Variants in PHF12 observed in about 807,000 individuals in gnomAD.
PHF12 encodes PHD finger protein 12, also known as PHD factor 1.
In PHF12, 6 loss-of-function variants were observed where a neutral mutation model predicts 99.8. The observed-to-expected ratio is 0.06, with a 90% CI of 0.03 to 0.12. The LOEUF is 0.12. Ranked by LOEUF, PHF12 falls within the 10% of genes least tolerant of loss-of-function variation. The probability of loss-of-function intolerance (pLI) is 1.00; values close to 1 mark genes in which losing one functional copy is unlikely to be tolerated. For synonymous variants in PHF12, 480 were observed against 514.9 expected, an observed-to-expected ratio of 0.93 and a Z score of 0.92; for missense variants, 954 against 1,300.1, an observed-to-expected ratio of 0.73 and a Z score of 4.09.
rs1300428255 is a variant in PHF12 at position 28,949,456 on chromosome 17, C to T, written c.248+609G>A. On this transcript the variant is annotated intron_variant, in intron 2 of 14. Transcript: ENST00000332830. This position sits in a 1 kb window ranked among gnomAD's most constrained non-coding sequence, Gnocchi z 4.6. ...GACTCTGGGGCTGTCCCCACCGTTC[C>T]CCCGAGAGACGTTTGCAAATCATAT... 6.6e-6 allele frequency among the ~76,000 whole-genome samples: 1 copy of T among 152,190 alleles called. No homozygotes were observed. Among genetic ancestry groups the T allele is most frequent in the Admixed American group, 6.5e-5 (1 of 15,278 alleles).
At position 28,951,188 on chromosome 17, in the gene PHF12, C is replaced by T. The variant is rs2040805404; in HGVS notation, c.-228G>A. On this transcript the variant is annotated 5_prime_UTR_variant, in exon 1 of 15. Transcript: ENST00000332830. ...GAGCGGCCCCTCAGTCCCGGCCCGG[C>T]TGCTGGCTGCACAGTGGGTCCCGGC... The T allele has an allele frequency of 5.0e-6, 7 of 1,409,408 alleles. No homozygotes were observed. In the East Asian group the frequency reaches 1.9e-4, roughly 37 times the overall value. 87.3% of individuals were successfully genotyped at this position (1,409,408 alleles called of 1,614,324 possible). A position where few individuals can be genotyped will look rare whatever the true frequency, so the allele number is the denominator to read the frequency against.
In PHF12 at chr17:28,913,108, G is replaced by A; in HGVS notation, c.1463C>T (p.Thr488Ile). Residue 488 changes from threonine to isoleucine, a missense_variant, in exon 9 of 15, where the codon ACA (threonine) becomes ATA (isoleucine). Physicochemically the swap from Thr to Ile is moderately conservative, Grantham distance 89 (BLOSUM62 -1). This residue lies in a region of PHF12 where 392 missense variants were observed against 423.1 expected (regional missense o/e 0.93). Transcript: ENST00000332830. ...GCAGGACAAGGGGTAGTGGGAAGGTGTAGGTGTCTTGTCAGCTGTTTGCAG... is the reference window on the plus strand; with the variant it reads ...GCAGGACAAGGGGTAGTGGGAAGGTATAGGTGTCTTGTCAGCTGTTTGCAG... Reference protein sequence around the residue: ...TSLQTADKTPTPSHYPLSCPS... With the variant: ...TSLQTADKTPIPSHYPLSCPS... The A allele has an allele frequency of 6.2e-7, 1 of 1,614,228 alleles. No individual in the cohort carries two copies. Among genetic ancestry groups the A allele is most frequent in the Non-Finnish European group, 8.5e-7 (1 of 1,180,032 alleles).
intron 2 of PHF12, among the ~76,000 whole-genome samples, chr17:28,940,113 C>T (rs1441887923): frequency 6.6e-6 from 1 of 152,180 alleles, no homozygotes; most frequent in African/African-American, 2.4e-5. Context: ...AAATTAAACA[C>T]CAAAGTCACT....
chr17:28,946,473 T>TA (rs1033166493), intron 2 of PHF12, among the ~76,000 whole-genome samples: 1 of 151,998 alleles, frequency 6.6e-6, no homozygotes, highest in Non-Finnish European at 1.5e-5. Flanking sequence ...ATTTCCTTAC[T>TA]ATTTATCTTA....
At chr17:28,925,046 A>C (rs1407363891) in intron 3 of PHF12, 2 of 152,232 alleles carry the variant, frequency 1.3e-5, no homozygotes, top group African/African-American at 4.8e-5. Flanking sequence ...AATAAGTGAC[A>C]CTTCTTAGAA....
intron 2 of PHF12, among the ~76,000 whole-genome samples, chr17:28,935,347 T>C (rs1567967570): frequency 1.3e-5 from 2 of 152,296 alleles, no homozygotes; most frequent in Non-Finnish European, 2.9e-5. Context: ...TCTCAGCTCA[T>C]TGTAGCCTCT....
intron 2 of PHF12, among the ~76,000 whole-genome samples, chr17:28,937,294 G>A (rs1336740723): frequency 3.9e-5 from 6 of 152,096 alleles, no homozygotes; most frequent in Non-Finnish European, 8.8e-5. Context: ...CCTGTCTTTT[G>A]CAGGAAGATA....
chr17:28,907,442 TCTC>T (rs2152654892), intron 13 of PHF12, 145 bp downstream of exon 13: 2 of 732,136 alleles, frequency 2.7e-6, no homozygotes, highest in Admixed American at 2.7e-5. Context: ...ACATCAAGAC[TCTC>T]CTCCTCCAGG....
chr17:28,912,572 T>A lies in PHF12; in HGVS notation c.1999A>T (p.Thr667Ser), dbSNP rs909558113. 5 of 1,614,032 alleles carry A rather than the reference T, an allele frequency of 3.1e-6. No homozygotes were observed. The African/African-American group carries it at 6.7e-5, about 22-fold the overall frequency. The change falls in exon 9 of 15, where the codon ACC (threonine) becomes TCC (serine). Residue 667 changes from threonine to serine, a missense_variant. Around this residue, in one of 8 missense-constraint regions of PHF12, gnomAD observed 392 missense variants for 423.1 expected, o/e 0.93. Coordinates refer to ENST00000332830, the MANE Select transcript of PHF12 (RefSeq NM_001033561.2). ...GCTTGCGGGGGAGTGAGCACCCGGG[T>A]GGCGTTTGGGGGTGAGCCCAGTGGC... ...SRPLGSPPNA[T>S]RVLTPPQAAG...
chr17:28,950,351 T>C lies in PHF12; in HGVS notation c.67-105A>G. On this transcript the variant is annotated intron_variant, in intron 1 of 14. Transcript: ENST00000332830. This position sits in a 1 kb window ranked among gnomAD's most constrained non-coding sequence, Gnocchi z 5.7. ...TCACCCACCCCTCTCCCCCCTTTTG[T>C]CCTTCTTCCTCCCATCCAGGCTGCT... 8.0e-7 allele frequency: 1 copy of C among 1,246,256 alleles called. No homozygotes were observed. The highest frequency in any genetic ancestry group is 1.5e-5 in the African/African-American group (1 of 65,638). 77.2% of individuals were successfully genotyped at this position (1,246,256 alleles called of 1,614,324 possible). A position where few individuals can be genotyped will look rare whatever the true frequency, so the allele number is the denominator to read the frequency against.
rs919014924 is a variant in PHF12, at chr17:28,908,840, G to T, written c.2401C>A (p.Leu801Ile). 7 of 1,614,112 alleles carry T rather than the reference G, an allele frequency of 4.3e-6. No homozygotes were observed. Among genetic ancestry groups the T allele is most frequent in the East Asian group, 2.2e-5 (1 of 44,876 alleles). The change falls in exon 12 of 15, where the codon CTC becomes ATC. Residue 801 changes from leucine to isoleucine, a missense_variant. Coordinates refer to ENST00000332830, the MANE Select transcript of PHF12 (RefSeq NM_001033561.2). ...EVQARAVFYP[L>I]LGLGGAVNMC... is the part of the protein sequence containing the mutation. ...TTCACAGCTCCTCCCAACCCTAAGAGGGGGTAGAACACAGCTCGGGCCTGT... is the reference window on the plus strand; with the variant it reads ...TTCACAGCTCCTCCCAACCCTAAGATGGGGTAGAACACAGCTCGGGCCTGT...
In PHF12 at chr17:28,913,250, A is replaced by G. The variant is rs374701751; in HGVS notation, c.1321T>C (p.Cys441Arg). Reference sequence around the variant, plus strand: ...GCAGATAAATGTTTCAATATGCTGCACTGGAGCGCAACAACACTACAGAGC... The same window carrying G: ...GCAGATAAATGTTTCAATATGCTGCGCTGGAGCGCAACAACACTACAGAGC... ...EWLCSVVALQ[C>R]SILKHLSAKQ... is the part of the protein sequence containing the mutation. The change falls in exon 9 of 15, where the codon TGC (cysteine) becomes CGC (arginine). Residue 441 changes from cysteine (C) to arginine (R), a missense_variant. Physicochemically the swap from Cys to Arg is radical, Grantham distance 180 (BLOSUM62 -3). Around this residue, in one of 8 missense-constraint regions of PHF12, gnomAD observed 392 missense variants for 423.1 expected, o/e 0.93. Transcript: ENST00000332830. The G allele has an allele frequency of 2.5e-6, 4 of 1,612,926 alleles. No individual in the cohort carries two copies. The highest frequency in any genetic ancestry group is 3.4e-6 in the Non-Finnish European group (4 of 1,179,346).
chr17:28,910,346 C>T lies in PHF12; in HGVS notation c.2239G>A (p.Glu747Lys), dbSNP rs377484256. The change falls in exon 11 of 15, where the codon GAG becomes AAG. Residue 747 changes from glutamate (E) to lysine (K), a missense_variant. Transcript: ENST00000332830. ...NGEIEINMLD[E>K]KLIKFLALQR... The stretch of plus-strand genomic sequence containing the variant: ...AAGGCCAGAAACTTGATCAGCTTCT[C>T]GTCCAGCATATTTATCTCGATTTCT... 1.1e-5 allele frequency: 18 copies of T among 1,612,952 alleles called. No homozygotes were observed. Among genetic ancestry groups the T allele is most frequent in the Admixed American group, 1.7e-5 (1 of 59,950 alleles).
rs780768980 is a variant in PHF12 at position 28,910,046 on chromosome 17, T to A, written c.2359+180A>T. The A allele has an allele frequency of 3.4e-6, 3 of 871,616 alleles. No individual in the cohort carries two copies. In the Admixed American group the frequency reaches 5.9e-5, roughly 17 times the overall value. The allele number at this position is 871,616 out of a possible 1,614,324, so 54.0% of individuals were successfully genotyped here. On this transcript the variant is annotated intron_variant, in intron 11 of 14. Coordinates refer to ENST00000332830, the MANE Select transcript of PHF12 (RefSeq NM_001033561.2). ...TTCCCCAAGTCTGATCAGAAAGCTGTGGTTGCCATCTTGTTCCTGCTCTCT... is the reference window on the plus strand; with the variant it reads ...TTCCCCAAGTCTGATCAGAAAGCTGAGGTTGCCATCTTGTTCCTGCTCTCT...
chr17:28,931,729 C>T (rs1354473448), intron 2 of PHF12, among the ~76,000 whole-genome samples: 3 of 150,850 alleles, frequency 2.0e-5, no homozygotes, highest in Non-Finnish European at 3.0e-5. Flanking sequence ...TTACAGGTGC[C>T]TGCCCCCATG....
In PHF12 at chr17:28,912,561, G is replaced by A. The variant is rs1470947309; in HGVS notation, c.2010C>T (p.Leu670=). ...LGSPPNATRV[L]TPPQAAGDGI... is the part of the protein sequence containing the mutation. ...CATCTCCTGCTGCTTGCGGGGGAGT[G>A]AGCACCCGGGTGGCGTTTGGGGGTG... The change falls in exon 9 of 15, where the codon CTC becomes CTT. Residue 670 remains leucine (L), a synonymous_variant. Coordinates refer to ENST00000332830, the MANE Select transcript of PHF12 (RefSeq NM_001033561.2). 3.1e-6 allele frequency: 5 copies of A among 1,614,002 alleles called. No homozygotes were observed. The highest frequency in any genetic ancestry group is 3.4e-6 in the Non-Finnish European group (4 of 1,179,958).
intron 9 of PHF12, chr17:28,911,511 T>C (rs2039960364): frequency 2.5e-6 from 1 of 405,164 alleles, no homozygotes; most frequent in Non-Finnish European, 4.5e-6. Flanking sequence ...CTTCATTCTT[T>C]GGGCCATGAC....
chr17:28,918,950 A>G (rs969629343), intron 6 of PHF12, among the ~76,000 whole-genome samples, 193 bp downstream of exon 6: 5 of 152,240 alleles, frequency 3.3e-5, no homozygotes, highest in Non-Finnish European at 5.9e-5. Context: ...GGGCAGCTGA[A>G]ACAAAACATT....
chr17:28,923,651 CACA>C (rs1170510860), intron 4 of PHF12, among the ~76,000 whole-genome samples: 13 of 21,972 alleles, frequency 5.9e-4, no homozygotes, highest in African/African-American at 2.3e-3. Flanking sequence ...AAGTGAGACT[CACA>C]AAAAAAAAAA....
Sources: gnomAD v4.1 joint callset for allele counts (sites outside exome capture counted in the v4.1 genomes callset) on GRCh38, gnomAD v4.1.1 for gene constraint, gnomAD v4.1.1 regional missense constraint, Gnocchi (gnomAD v3.1) non-coding constraint, MANE v1.5 for transcripts, NCBI Gene and HGNC (gene_info 2026-07-23, HGNC 2026-07-21) for gene names.